Variants in BABAM2 observed in about 807,000 individuals in gnomAD.
The protein encoded by BABAM2 is BRISC and BRCA1 A complex member 2, also known as BRISC and BRCA1-A complex member 2.
BABAM2 carries 31 observed loss-of-function variants against 54.7 expected under a neutral mutation model. That is an observed-to-expected ratio of 0.57 (90% CI 0.43 to 0.77). The LOEUF (loss-of-function observed/expected upper bound fraction) is 0.77. BABAM2 is among the 30% of genes least tolerant of loss of function. The pLI is 0.00. For missense variants in BABAM2, 364 were observed against 455.8 expected, an observed-to-expected ratio of 0.80 and a Z score of 1.83; for synonymous variants, 167 against 162.9, an observed-to-expected ratio of 1.03 and a Z score of -0.19.
At chr2:28,069,970 G>T (rs1162852661) in intron 6 of BABAM2, among the ~76,000 whole-genome samples, 2 of 152,108 alleles carry the variant, frequency 1.3e-5, no homozygotes, top group Admixed American at 6.6e-5. Context: ...CTAACTGCTG[G>T]GCTCAACTGA....
chr2:28,251,363 A>C (rs1426505779), intron 10 of BABAM2, among the ~76,000 whole-genome samples: 2 of 152,190 alleles, frequency 1.3e-5, no homozygotes, highest in African/African-American at 4.8e-5. Flanking sequence ...AAATCAGGAC[A>C]GCTTTTGAAA....
chr2:28,161,890 C>T (rs1459831177), intron 7 of BABAM2, among the ~76,000 whole-genome samples: 1 of 151,928 alleles, frequency 6.6e-6, no homozygotes, highest in Non-Finnish European at 1.5e-5. Context: ...TTATTTAGCA[C>T]CAGAAATGGA....
intron 6 of BABAM2, among the ~76,000 whole-genome samples, chr2:28,066,020 G>A (rs949282731): frequency 2.0e-5 from 3 of 150,216 alleles, no homozygotes; most frequent in Non-Finnish European, 3.0e-5. Flanking sequence ...TTAGCTGGGC[G>A]TGGTGACACA....
chr2:28,160,295 G>A lies in BABAM2; in HGVS notation c.680+30915G>A, dbSNP rs1010555807. On this transcript the variant is annotated intron_variant, in intron 7 of 11. Coordinates refer to ENST00000379624, the MANE Select transcript of BABAM2 (RefSeq NM_199191.3). ...TGCGCCTGGCCATGATTGGTTTTTAGTATATTCTTTTTAGCTGGGCCCGTG... is the reference window on the plus strand; with the variant it reads ...TGCGCCTGGCCATGATTGGTTTTTAATATATTCTTTTTAGCTGGGCCCGTG... Among the ~76,000 whole-genome samples, 23 of 152,178 alleles carry A rather than the reference G, an allele frequency of 1.5e-4. 1 individual carries two copies. Among genetic ancestry groups the A allele is most frequent in the African/African-American group, 4.1e-4 (17 of 41,436 alleles).
intron 2 of BABAM2, among the ~76,000 whole-genome samples, chr2:27,902,587 C>T (rs1025703139): frequency 1.3e-5 from 2 of 152,136 alleles, no homozygotes; most frequent in African/African-American, 2.4e-5. Context: ...TGATGAGATG[C>T]GACCTGGTAT....
chr2:28,228,441 G>GTT (rs199644609), intron 7 of BABAM2, among the ~76,000 whole-genome samples: 1 of 151,134 alleles, frequency 6.6e-6, no homozygotes, highest in Non-Finnish European at 1.5e-5. Context: ...TGTATGCACT[G>GTT]TTTTTTTTTC....
At chr2:28,197,650 A>T (rs913869663) in intron 7 of BABAM2, among the ~76,000 whole-genome samples, 1 of 152,218 alleles carries the variant, frequency 6.6e-6, no homozygotes, top group Admixed American at 6.5e-5. Flanking sequence ...AGAGAGTACT[A>T]GTAACAAAGC....
chr2:28,274,139 C>G (rs1685674272), intron 10 of BABAM2, among the ~76,000 whole-genome samples: 1 of 152,156 alleles, frequency 6.6e-6, no homozygotes, highest in Admixed American at 6.6e-5. Context: ...GCGGCCTTCC[C>G]CAGTAGACAG....
rs367605362 is a variant in BABAM2, at chr2:28,237,202, T to G, written c.681T>G (p.His227Gln). The G allele has an allele frequency of 3.4e-5, 55 of 1,612,650 alleles. No individual in the cohort carries two copies. The highest frequency in any genetic ancestry group is 4.7e-5 in the Non-Finnish European group (55 of 1,178,848). The change falls in exon 8 of 12, where the codon CAT becomes CAG. Residue 227 changes from histidine (H) to glutamine (Q), a missense_variant and splice_region_variant. By Grantham distance (24) the His-to-Gln change is conservative. Coordinates refer to ENST00000379624, the MANE Select transcript of BABAM2 (RefSeq NM_199191.3). The part of the protein sequence containing the change: ...PKLYLSPRIE[H>Q]ALGGSSALHI... The stretch of plus-strand genomic sequence containing the variant: ...GTCCATTGTACTCTTGTCCTTTCAG[T>G]GCACTTGGAGGCTCCTCAGCTCTTC...
chr2:28,167,839 G>A (rs1366988632), intron 7 of BABAM2, among the ~76,000 whole-genome samples: 1 of 152,062 alleles, frequency 6.6e-6, no homozygotes, highest in Non-Finnish European at 1.5e-5. Context: ...CTATAAAATT[G>A]AGAGAATCAT....
At chr2:28,117,160 C>T (rs1668683821) in intron 6 of BABAM2, among the ~76,000 whole-genome samples, 1 of 152,210 alleles carries the variant, frequency 6.6e-6, no homozygotes, top group Admixed American at 6.5e-5. Flanking sequence ...GAGCCTGGTA[C>T]TGCAGGCAGA....
chr2:28,300,359 C>A (rs766950206), intron 11 of BABAM2, among the ~76,000 whole-genome samples: 14 of 152,284 alleles, frequency 9.2e-5, no homozygotes, highest in Non-Finnish European at 1.6e-4. Context: ...CCTTTATTTT[C>A]TCTTTTTATC....
chr2:27,923,052 T>C (rs957470310), intron 2 of BABAM2, among the ~76,000 whole-genome samples: 1 of 152,200 alleles, frequency 6.6e-6, no homozygotes, highest in Non-Finnish European at 1.5e-5. Context: ...AGCAGCTTCA[T>C]GGGAGACCTT....
At position 27,976,858 on chromosome 2, in the gene BABAM2, G is replaced by A. The variant is rs530765344; in HGVS notation, c.206-11135G>A. On this transcript the variant is annotated intron_variant, in intron 3 of 11. Transcript: ENST00000379624. ...TTCAGATATTAGAAGTGCAAAGAAG[G>A]ATTAGGTGTGGTCCGAAGTCTAGGA... 1.4e-3 allele frequency among the ~76,000 whole-genome samples: 206 copies of A among 152,238 alleles called. 1 individual carries two copies. The highest frequency in any genetic ancestry group is 2.2e-3 in the Admixed American group (34 of 15,284).
At chr2:27,987,774 C>G (rs1333381229) in intron 3 of BABAM2, among the ~76,000 whole-genome samples, 1 of 147,536 alleles carries the variant, frequency 6.8e-6, no homozygotes, top group Non-Finnish European at 1.5e-5. Context: ...AAGATGACAC[C>G]GTTGCACTCC....
At chr2:28,257,037 A>C (rs1225329379) in intron 10 of BABAM2, among the ~76,000 whole-genome samples, 1 of 152,120 alleles carries the variant, frequency 6.6e-6, no homozygotes, top group Non-Finnish European at 1.5e-5. Flanking sequence ...CCAGTATTGT[A>C]CTGTTGGCAT....
chr2:28,006,987 T>C (rs1674022928), intron 4 of BABAM2, among the ~76,000 whole-genome samples: 1 of 152,042 alleles, frequency 6.6e-6, no homozygotes, highest in Non-Finnish European at 1.5e-5. Context: ...AAATAATTGA[T>C]TTTTTAAATA....
chr2:27,918,614 A>G (rs1221248852), intron 2 of BABAM2, among the ~76,000 whole-genome samples: 2 of 152,154 alleles, frequency 1.3e-5, no homozygotes, highest in Non-Finnish European at 2.9e-5. Flanking sequence ...CATCTGATCT[A>G]TTCTAGGTTC....
At chr2:28,238,086 A>G (rs1682080810) in intron 8 of BABAM2, among the ~76,000 whole-genome samples, 1 of 152,018 alleles carries the variant, frequency 6.6e-6, no homozygotes, top group Non-Finnish European at 1.5e-5. Context: ...CTGACTTCAG[A>G]TGATCTGCCT....
Sources: allele counts gnomAD v4.1 joint callset (sites outside exome capture counted in the v4.1 genomes callset), GRCh38; gene constraint gnomAD v4.1.1; transcripts MANE v1.5; gene names NCBI Gene and HGNC (gene_info 2026-07-23, HGNC 2026-07-21).